CROCC2: variants seen among roughly 807,000 people sequenced by gnomAD.
CROCC2 encodes ciliary rootlet coiled-coil protein 2.
A neutral mutation model predicts 177.6 loss-of-function variants in CROCC2; 163 were observed. The observed-to-expected ratio is 0.92, with a 90% CI of 0.81 to 1.05. CROCC2 has a LOEUF of 1.05. Among genes scored for constraint, CROCC2 ranks in the 50% least tolerant of loss-of-function variants. CROCC2 has a pLI of 0.00. For missense variants in CROCC2, 1,929 were observed against 1,797.8 expected (o/e 1.07, Z -1.32); for synonymous variants, 904 against 787.3 (o/e 1.15, Z -2.48).
chr2:240,911,315 T>TTA (rs71049533), intron 1 of CROCC2, among the ~76,000 whole-genome samples: 1 of 150,016 alleles, frequency 6.7e-6, no homozygotes, highest in Non-Finnish European at 1.5e-5. Flanking sequence ...TTTTTTTTTT[T>TTA]AGACAGAGTT....
At position 240,943,677 on chromosome 2, in the gene CROCC2, G is replaced by A. The variant is rs548486858; in HGVS notation, c.2170-2383G>A. Among the ~76,000 whole-genome samples, 22 of 151,786 alleles carry A rather than the reference G, an allele frequency of 1.4e-4. No homozygotes were observed. In the South Asian group the frequency reaches 2.1e-3, roughly 14 times the overall value. ...GTATTTTTAGTAGAGATGGGGTTTC[G>A]CCATGTTGGCCAGGTTGGTCTCGAA... On this transcript the variant is annotated intron_variant, in intron 14 of 31. Coordinates refer to ENST00000690015, the MANE Select transcript of CROCC2 (RefSeq NM_001351305.2).
At chr2:240,966,120 C>CGT (rs1398420354) in intron 24 of CROCC2, 105 bp from the exon 25 acceptor site, 1 of 1,258,420 alleles carries the variant, frequency 7.9e-7, no homozygotes, top group Non-Finnish European at 1.0e-6. Context: ...AACCTGTGGC[C>CGT]GTCTCCCCAA....
At chr2:240,922,728 G>T in intron 4 of CROCC2, 83 bp downstream of exon 4, 1 of 494,074 alleles carries the variant, frequency 2.0e-6, no homozygotes. Flanking sequence ...GTGCCTTGGG[G>T]CTACTGACAG....
At chr2:240,914,385 C>A (rs978578300) in intron 1 of CROCC2, among the ~76,000 whole-genome samples, 1 of 152,228 alleles carries the variant, frequency 6.6e-6, no homozygotes, top group South Asian at 2.1e-4. Flanking sequence ...GCGTGGAGAA[C>A]CCTGCGGGCC....
intron 19 of CROCC2, 129 bp from the exon 20 acceptor site, chr2:240,959,172 G>C (rs1316579807): frequency 6.3e-6 from 7 of 1,108,248 alleles, no homozygotes; most frequent in East Asian, 2.8e-5. Context: ...GGGCTTGCAC[G>C]ATCAGCAGGA....
At position 240,958,988 on chromosome 2, in the gene CROCC2, G is replaced by A. The variant is rs1487036658; in HGVS notation, c.2944-313G>A. On this transcript the variant is annotated intron_variant, in intron 19 of 31. Transcript: ENST00000690015. This position sits in a 1 kb window ranked among gnomAD's most constrained non-coding sequence, Gnocchi z 6.7. ...CCCAAATGGAGGGTAGAGCTGCCCA[G>A]TGTGTGGTGGTCCCTGTAGGGATGG... 10 of 266,176 alleles carry A rather than the reference G, an allele frequency of 3.8e-5. No individual in the cohort carries two copies. Among genetic ancestry groups the A allele is most frequent in the Non-Finnish European group, 7.1e-5 (10 of 140,848 alleles). The allele number at this position is 266,176 out of a possible 1,614,324, so 16.5% of individuals were successfully genotyped here. A position where few individuals can be genotyped will look rare whatever the true frequency, so the allele number is the denominator to read the frequency against.
rs1213011165 is a variant in CROCC2, at chr2:240,953,432, C to T, written c.2830-2427C>T. On this transcript the variant is annotated intron_variant, in intron 18 of 31. Coordinates refer to ENST00000690015, the MANE Select transcript of CROCC2 (RefSeq NM_001351305.2). The surrounding 1 kb of genome is among the most constrained non-coding windows in gnomAD (Gnocchi z 4.0). ...TGAGACTCTGTCTCAAAAAAAAAAACAGGAGCACAGGCTAAGAGGGCAGAC... is the reference window on the plus strand; with the variant it reads ...TGAGACTCTGTCTCAAAAAAAAAAATAGGAGCACAGGCTAAGAGGGCAGAC... Among the ~76,000 whole-genome samples, 1 of 139,840 alleles carries T rather than the reference C, an allele frequency of 7.2e-6. No individual in the cohort carries two copies. The highest frequency in any genetic ancestry group is 1.6e-5 in the Non-Finnish European group (1 of 64,060). The allele number at this position is 139,840 out of a possible 152,430, so 91.7% of individuals were successfully genotyped here.
chr2:240,917,304 G>A lies in CROCC2; in HGVS notation c.79-1422G>A, dbSNP rs189646626. On this transcript the variant is annotated intron_variant, in intron 1 of 31. Coordinates refer to ENST00000690015, the MANE Select transcript of CROCC2 (RefSeq NM_001351305.2). This position sits in a 1 kb window ranked among gnomAD's most constrained non-coding sequence, Gnocchi z 4.9. Reference sequence around the variant, plus strand: ...TGACTCTCCAACCCCGGCGAGGGGGGCCGCGATCTTTGGGGTGCAGATGGA... The same window carrying A: ...TGACTCTCCAACCCCGGCGAGGGGGACCGCGATCTTTGGGGTGCAGATGGA... 1.5e-5 allele frequency among the ~76,000 whole-genome samples: 2 copies of A among 136,674 alleles called. No homozygotes were observed. The highest frequency in any genetic ancestry group is 3.0e-5 in the Non-Finnish European group (2 of 67,730). The allele number at this position is 136,674 out of a possible 152,430, so 89.7% of individuals were successfully genotyped here.
At position 240,918,969 on chromosome 2, in the gene CROCC2, G is replaced by A. The variant is rs114539346; in HGVS notation, c.229+93G>A. On this transcript the variant is annotated intron_variant, in intron 2 of 31. Transcript: ENST00000690015. The surrounding 1 kb of genome is among the most constrained non-coding windows in gnomAD (Gnocchi z 6.3). ...GCCCGGTGCTGGCCAAGGTGACGGC[G>A]TGGGGGACAGTCCTGGGCTCGCGGC... 12 of 650,754 alleles carry A rather than the reference G, an allele frequency of 1.8e-5. No homozygotes were observed. The Middle Eastern group carries it at 1.2e-3, about 67-fold the overall frequency. The allele number at this position is 650,754 out of a possible 1,614,324, so 40.3% of individuals were successfully genotyped here. A position where few individuals can be genotyped will look rare whatever the true frequency, so the allele number is the denominator to read the frequency against.
chr2:240,976,133 G>C (rs900052544), intron 27 of CROCC2, among the ~76,000 whole-genome samples: 2 of 151,984 alleles, frequency 1.3e-5, no homozygotes, highest in African/African-American at 4.8e-5. Context: ...CTCCAAGACC[G>C]GGCTCATCCC....
intron 6 of CROCC2, among the ~76,000 whole-genome samples, chr2:240,930,542 A>T (rs557385109): frequency 6.6e-6 from 1 of 152,138 alleles, no homozygotes; most frequent in Non-Finnish European, 1.5e-5. Flanking sequence ...TGAAGAGGAC[A>T]CTGTGGGGTG....
At chr2:240,992,998 C>A in intron 31 of CROCC2, 68 bp from the exon 32 acceptor site, 1 of 707,654 alleles carries the variant, frequency 1.4e-6, no homozygotes, top group Non-Finnish European at 2.6e-6. Context: ...CTCCAGCCCC[C>A]GGCAGCAGGA....
At position 240,988,870 on chromosome 2, in the gene CROCC2, G is replaced by A; in HGVS notation, c.4683G>A (p.Gln1561=). The A allele has an allele frequency of 6.8e-7, 1 of 1,474,650 alleles. No individual in the cohort carries two copies. Among genetic ancestry groups the A allele is most frequent in the South Asian group, 1.4e-5 (1 of 72,396 alleles). 91.3% of individuals were successfully genotyped at this position (1,474,650 alleles called of 1,614,324 possible). A position where few individuals can be genotyped will look rare whatever the true frequency, so the allele number is the denominator to read the frequency against. Residue 1561 remains glutamine (Q), a splice_region_variant and synonymous_variant, in exon 29 of 32, where the codon CAG becomes CAA. Transcript: ENST00000690015. ...DGALRQNQQL[Q]AQMTEMEQAH... ...CCCTGAGGCAAAATCAGCAGCTGCA[G>A]GTCAACTGGGCCAGTGGAGCTCTGC...
chr2:240,949,078 C>G lies in CROCC2; in HGVS notation c.2463C>G (p.Leu821=), dbSNP rs992255011. 4 of 1,545,686 alleles carry G rather than the reference C, an allele frequency of 2.6e-6. No individual in the cohort carries two copies. The highest frequency in any genetic ancestry group is 1.4e-5 in the African/African-American group (1 of 72,880). The change falls in exon 16 of 32, where the codon CTC becomes CTG. Residue 821 remains leucine, a synonymous_variant. Transcript: ENST00000690015. This position sits in a 1 kb window ranked among gnomAD's most constrained non-coding sequence, Gnocchi z 4.5. Reference sequence around the variant, plus strand: ...AGGAGGAAGCCCGGAGCGCAGGACTCGCGCGGCAGGCCTTGCAAGGTGCTC... The same window carrying G: ...AGGAGGAAGCCCGGAGCGCAGGACTGGCGCGGCAGGCCTTGCAAGGTGCTC... ...QLEEEARSAG[L]ARQALQVEME...
chr2:240,966,092 C>T (rs973224942), intron 24 of CROCC2, 99 bp downstream of exon 24: 4 of 1,271,976 alleles, frequency 3.1e-6, no homozygotes, highest in South Asian at 3.3e-5. Context: ...GTGAGGGACT[C>T]GGACAGGCAA....
chr2:240,934,213 GCTC>G, intron 11 of CROCC2, 115 bp from the exon 12 acceptor site: 2 of 1,165,930 alleles, frequency 1.7e-6, no homozygotes, highest in Non-Finnish European at 1.2e-6. Context: ...GGGACTCCAT[GCTC>G]CTCCTGGGCC....
intron 14 of CROCC2, 60 bp from the exon 15 acceptor site, chr2:240,946,000 A>G: frequency 7.4e-7 from 1 of 1,347,582 alleles, no homozygotes; most frequent in Non-Finnish European, 9.9e-7. Context: ...CAAGAGGCCC[A>G]TGCTCACCCA....
At chr2:240,939,889 A>G (rs1254317312) in intron 14 of CROCC2, among the ~76,000 whole-genome samples, 1 of 152,176 alleles carries the variant, frequency 6.6e-6, no homozygotes, top group African/African-American at 2.4e-5. Flanking sequence ...ACATAATTCC[A>G]TCACGATCGG....
chr2:240,966,506 G>C (rs1211782405), intron 25 of CROCC2, 97 bp downstream of exon 25: 4 of 398,082 alleles, frequency 1.0e-5, no homozygotes, highest in Non-Finnish European at 1.8e-5. Flanking sequence ...CCCTGGGTCT[G>C]AGGGTCAGTG....
Sources: gnomAD v4.1 joint callset for allele counts (sites outside exome capture counted in the v4.1 genomes callset) on GRCh38, gnomAD v4.1.1 for gene constraint, Gnocchi (gnomAD v3.1) non-coding constraint, MANE v1.5 for transcripts, NCBI Gene and HGNC (gene_info 2026-07-23, HGNC 2026-07-21) for gene names.